Variants in RSU1 observed in about 807,000 individuals in gnomAD.
RSU1 encodes the protein rsu-1.
Under a neutral mutation model 31.1 loss-of-function variants are expected in RSU1, and 26 were observed. The observed-to-expected ratio is 0.84, with a 90% CI of 0.61 to 1.16. The LOEUF is 1.16. RSU1 is among the 50% of genes most tolerant of loss of function. The pLI, the probability that RSU1 is intolerant of heterozygous loss-of-function variation, is 0.00. For missense variants in RSU1, 320 were observed against 339.1 expected, an observed-to-expected ratio of 0.94 and a Z score of 0.44; for synonymous variants, 164 against 136.3, an observed-to-expected ratio of 1.20 and a Z score of -1.41.
intron 8 of RSU1, among the ~76,000 whole-genome samples, chr10:16,600,369 C>A (rs1405202162): frequency 6.6e-6 from 1 of 152,110 alleles, no homozygotes; most frequent in African/African-American, 2.4e-5. Flanking sequence ...CTGGTGACTT[C>A]GGTGACGTGC....
chr10:16,763,405 G>A (rs889731757), intron 4 of RSU1, among the ~76,000 whole-genome samples: 2 of 152,146 alleles, frequency 1.3e-5, no homozygotes, highest in African/African-American at 4.8e-5. Flanking sequence ...TTACATGGCA[G>A]GAGCAAGACA....
At chr10:16,722,438 G>C (rs992634278) in intron 7 of RSU1, among the ~76,000 whole-genome samples, 1 of 152,118 alleles carries the variant, frequency 6.6e-6, no homozygotes, top group Non-Finnish European at 1.5e-5. Flanking sequence ...TGGTGTCATC[G>C]ACCTAAGCAC....
At position 16,592,453 on chromosome 10, in the gene RSU1, C is replaced by T. The variant is rs1419591377; in HGVS notation, c.*941G>A. ...TTAATGACTCTGCAACTGTGGTTTC[C>T]ACCCTGGGTGTGGTGTAGCGCGTGC... On this transcript the variant is annotated 3_prime_UTR_variant, in exon 9 of 9. Coordinates refer to ENST00000345264, the MANE Select transcript of RSU1 (RefSeq NM_012425.4). 6.6e-6 allele frequency: 1 copy of T among 152,132 alleles called. No homozygotes were observed. The highest frequency in any genetic ancestry group is 1.5e-5 in the Non-Finnish European group (1 of 68,020). 9.4% of individuals were successfully genotyped at this position (152,132 alleles called of 1,614,324 possible).
At chr10:16,735,286 A>G (rs897456920) in intron 7 of RSU1, among the ~76,000 whole-genome samples, 2 of 152,248 alleles carry the variant, frequency 1.3e-5, no homozygotes, top group African/African-American at 4.8e-5. Context: ...ATGTGTACAT[A>G]ACATGAAGTC....
intron 7 of RSU1, chr10:16,721,432 G>C (rs1404265263): frequency 6.6e-6 from 1 of 152,228 alleles, no homozygotes. Context: ...AATAATACAA[G>C]GGTGACAGCA....
At chr10:16,747,831 G>A (rs1411135080) in intron 7 of RSU1, among the ~76,000 whole-genome samples, 2 of 152,194 alleles carry the variant, frequency 1.3e-5, no homozygotes, top group Non-Finnish European at 2.9e-5. Flanking sequence ...ACAGGAGTTT[G>A]AGACTAGCCT....
At chr10:16,783,528 G>T (rs553159283) in intron 2 of RSU1, among the ~76,000 whole-genome samples, 1 of 151,876 alleles carries the variant, frequency 6.6e-6, no homozygotes, top group African/African-American at 2.4e-5. Context: ...GCTAATTTGT[G>T]TATTTTTAGT....
At chr10:16,776,311 A>C (rs2131641329) in intron 3 of RSU1, among the ~76,000 whole-genome samples, 1 of 152,340 alleles carries the variant, frequency 6.6e-6, no homozygotes, top group South Asian at 2.1e-4. Context: ...AATATGACTT[A>C]TGGTAGATAA....
chr10:16,802,697 A>T (rs1469461721), intron 2 of RSU1, among the ~76,000 whole-genome samples: 1 of 151,616 alleles, frequency 6.6e-6, no homozygotes, highest in African/African-American at 2.4e-5. Context: ...CACAATGACC[A>T]AGTGGAACTT....
At position 16,756,920 on chromosome 10, in the gene RSU1, C is replaced by T. The variant is rs575570794; in HGVS notation, c.282-1931G>A. Among the ~76,000 whole-genome samples the T allele has an allele frequency of 3.8e-4, 30 of 78,112 alleles. No individual in the cohort carries two copies. In the South Asian group the frequency reaches 5.8e-3, roughly 15 times the overall value. The allele number at this position is 78,112 out of a possible 152,430, so 51.2% of individuals were successfully genotyped here. On this transcript the variant is annotated intron_variant, in intron 4 of 8. Transcript: ENST00000345264. ...GGGGTGGGGTGTGGTGTGTGAAGGA[C>T]GTGGGGGGCTGTGTGGGGGCGGGTA...
At chr10:16,812,215 G>A (rs1195273721) in intron 2 of RSU1, among the ~76,000 whole-genome samples, 1 of 152,212 alleles carries the variant, frequency 6.6e-6, no homozygotes, top group Non-Finnish European at 1.5e-5. Context: ...GCCAAGGCGG[G>A]TGGATCACTT....
chr10:16,723,939 C>T (rs1333398604), intron 7 of RSU1, among the ~76,000 whole-genome samples: 1 of 152,036 alleles, frequency 6.6e-6, no homozygotes, highest in African/African-American at 2.4e-5. Context: ...ATGAGACATG[C>T]CTTTTTATTT....
intron 7 of RSU1, among the ~76,000 whole-genome samples, chr10:16,720,107 A>T (rs1836223806): frequency 6.6e-6 from 1 of 152,178 alleles, no homozygotes; most frequent in South Asian, 2.1e-4. Flanking sequence ...GTCTGAAGGG[A>T]CATTTGCTTT....
intron 8 of RSU1, among the ~76,000 whole-genome samples, chr10:16,665,740 G>A (rs1452464126): frequency 7.2e-5 from 11 of 152,056 alleles, no homozygotes; most frequent in Admixed American, 3.3e-4. Context: ...TAGGCAAAAC[G>A]GAAAGAATAA....
In RSU1 at chr10:16,650,608, C is replaced by T. The variant is rs552120601; in HGVS notation, c.731+44415G>A. 8.1e-5 allele frequency among the ~76,000 whole-genome samples: 10 copies of T among 123,308 alleles called. No homozygotes were observed. The South Asian group carries it at 2.6e-3, about 32-fold the overall frequency. 80.9% of individuals were successfully genotyped at this position (123,308 alleles called of 152,430 possible). On this transcript the variant is annotated intron_variant, in intron 8 of 8. Coordinates refer to ENST00000345264, the MANE Select transcript of RSU1 (RefSeq NM_012425.4). Reference sequence around the variant, plus strand: ...TTTTTTTTTTTTTGTGAGACAGAATCTCCCTCTGTCTCCCAGGCTGGAATA... The same window carrying T: ...TTTTTTTTTTTTTGTGAGACAGAATTTCCCTCTGTCTCCCAGGCTGGAATA...
chr10:16,638,254 A>AAACAGTCT (rs1390885360), intron 8 of RSU1, among the ~76,000 whole-genome samples: 3 of 152,190 alleles, frequency 2.0e-5, no homozygotes, highest in Non-Finnish European at 4.4e-5. Context: ...GCATATCAGA[A>AAACAGTCT]AACAGTCTCG....
At chr10:16,810,963 A>G (rs1049059046) in intron 2 of RSU1, among the ~76,000 whole-genome samples, 2 of 151,836 alleles carry the variant, frequency 1.3e-5, no homozygotes, top group Non-Finnish European at 2.9e-5. Flanking sequence ...CCGAGGCTAC[A>G]GTGAGGCAAG....
chr10:16,706,661 T>A (rs1414423354), intron 7 of RSU1, among the ~76,000 whole-genome samples: 2 of 152,230 alleles, frequency 1.3e-5, no homozygotes, highest in African/African-American at 4.8e-5. Context: ...TACCTATCTA[T>A]GCTATATAAT....
At chr10:16,731,508 T>C (rs1329383605) in intron 7 of RSU1, among the ~76,000 whole-genome samples, 2 of 151,834 alleles carry the variant, frequency 1.3e-5, no homozygotes, top group South Asian at 2.1e-4. Flanking sequence ...TTCTTGATGA[T>C]AGAATTCCAA....
Sources: gnomAD v4.1 joint callset for allele counts (sites outside exome capture counted in the v4.1 genomes callset) on GRCh38, gnomAD v4.1.1 for gene constraint, MANE v1.5 for transcripts, NCBI Gene and HGNC (gene_info 2026-07-23, HGNC 2026-07-21) for gene names.